Variants in COL15A1 observed in about 807,000 individuals in gnomAD.
The protein encoded by COL15A1 is collagen type XV alpha 1 chain.
In COL15A1, 111 loss-of-function variants were observed where a neutral mutation model predicts 165.9. That is an observed-to-expected ratio of 0.67 (90% confidence interval 0.57 to 0.78). The LOEUF is 0.78. Among genes scored for constraint, COL15A1 ranks in the 30% least tolerant of loss-of-function variants. COL15A1 has a pLI of 0.00. For missense variants in COL15A1, 1,745 were observed against 1,789.7 expected (o/e 0.98, Z 0.45); for synonymous variants, 659 against 674.8 (o/e 0.98, Z 0.36).
chr9:98,956,824 T>A (rs1588490001), intron 2 of COL15A1, among the ~76,000 whole-genome samples: 1 of 152,360 alleles, frequency 6.6e-6, no homozygotes, highest in East Asian at 1.9e-4. Context: ...CCAGAACTCA[T>A]AAATCAGAAT....
intron 9 of COL15A1, among the ~76,000 whole-genome samples, chr9:99,014,306 C>T (rs1838894665): frequency 6.6e-6 from 1 of 152,164 alleles, no homozygotes; most frequent in Non-Finnish European, 1.5e-5. Context: ...CTTGCCTTCC[C>T]TGTTAGAAAT....
chr9:98,965,238 G>T lies in COL15A1; in HGVS notation c.101-20327G>T, dbSNP rs1837937482. ...GAACCTTCCTCAGGAATCTGCCAAG[G>T]CACCCGGTTGCCTGTTGCATAAATT... On this transcript the variant is annotated intron_variant, in intron 2 of 41. Transcript: ENST00000375001. 3.3e-5 allele frequency among the ~76,000 whole-genome samples: 5 copies of T among 152,162 alleles called. No homozygotes were observed. In the South Asian group the frequency reaches 1.0e-3, roughly 31 times the overall value.
At position 99,055,283 on chromosome 9, in the gene COL15A1, T is replaced by C. The variant is rs1404444453; in HGVS notation, c.3103T>C (p.Phe1035Leu). The change falls in exon 34 of 42, where the codon TTC (phenylalanine) becomes CTC (leucine). Residue 1035 changes from phenylalanine (F) to leucine (L), a missense_variant. Transcript: ENST00000375001. ...NLKGENGDKG[F>L]KGEKGEKGDI... The stretch of plus-strand genomic sequence containing the variant: ...CCAGGGGGAGAATGGAGACAAGGGG[T>C]TCAAAGGTGAAAAAGGAGAAAAAGG... 4 of 1,613,018 alleles carry C rather than the reference T, an allele frequency of 2.5e-6. No individual in the cohort carries two copies. In the African/African-American group the frequency reaches 5.3e-5, roughly 22 times the overall value.
chr9:98,944,106 G>A, intron 1 of COL15A1, 34 bp downstream of exon 1: 1 of 1,614,116 alleles, frequency 6.2e-7, no homozygotes, highest in Admixed American at 1.7e-5. Context: ...TCGCGTCCCG[G>A]GCCCCTCCAA....
intron 2 of COL15A1, among the ~76,000 whole-genome samples, chr9:98,954,233 A>T (rs1459684571): frequency 6.6e-6 from 1 of 152,232 alleles, no homozygotes; most frequent in African/African-American, 2.4e-5. Flanking sequence ...ATAAAATTTT[A>T]AAAATTGGTA....
At chr9:99,068,163 C>T (rs1825925606) in intron 40 of COL15A1, among the ~76,000 whole-genome samples, 1 of 152,084 alleles carries the variant, frequency 6.6e-6, no homozygotes, top group Non-Finnish European at 1.5e-5. Flanking sequence ...GCATCTGGGC[C>T]TTGAAGAGCG....
At position 98,944,230 on chromosome 9, in the gene COL15A1, C is replaced by T; in HGVS notation, c.80C>T (p.Thr27Ile). The T allele has an allele frequency of 1.9e-6, 3 of 1,613,988 alleles. No individual in the cohort carries two copies. Among genetic ancestry groups the T allele is most frequent in the Non-Finnish European group, 2.5e-6 (3 of 1,179,972 alleles). ...GTCTCCACGCCCCTCCCTGCTGTCA[C>T]CCAGACCCGCGGTGCGACAGGTAAG... ...LSVSTPLPAV[T>I]QTRGATETAS... The change falls in exon 2 of 42, where the codon ACC becomes ATC. Residue 27 changes from threonine (T) to isoleucine (I), a missense_variant. Transcript: ENST00000375001.
At chr9:99,060,680 G>A (rs1365447796) in intron 36 of COL15A1, among the ~76,000 whole-genome samples, 3 of 152,132 alleles carry the variant, frequency 2.0e-5, no homozygotes, top group Non-Finnish European at 2.9e-5. Flanking sequence ...GAGTCTAGGA[G>A]TTCAAGACTA....
chr9:98,945,457 A>AT (rs1837563721), intron 2 of COL15A1, among the ~76,000 whole-genome samples: 1 of 152,142 alleles, frequency 6.6e-6, no homozygotes, highest in South Asian at 2.1e-4. Context: ...TCCCCTTTGA[A>AT]TTTGGGGGAT....
At chr9:98,991,888 A>G (rs1354932549) in intron 5 of COL15A1, among the ~76,000 whole-genome samples, 1 of 152,110 alleles carries the variant, frequency 6.6e-6, no homozygotes, top group African/African-American at 2.4e-5. Context: ...TTAGCTAGAC[A>G]TAAAAGTTCT....
intron 9 of COL15A1, among the ~76,000 whole-genome samples, chr9:99,012,703 C>CTTTTT (rs1156464062): frequency 5.0e-5 from 5 of 99,786 alleles, no homozygotes; most frequent in Non-Finnish European, 7.6e-5. Flanking sequence ...GTTTCCCACC[C>CTTTTT]TTTTTTTTTT....
At chr9:98,983,602 G>C (rs992413184) in intron 2 of COL15A1, among the ~76,000 whole-genome samples, 1 of 152,170 alleles carries the variant, frequency 6.6e-6, no homozygotes, top group Non-Finnish European at 1.5e-5. Flanking sequence ...GGAGCTCAAG[G>C]GCACAGAGGC....
intron 40 of COL15A1, among the ~76,000 whole-genome samples, chr9:99,067,587 T>C (rs947085302): frequency 2.0e-5 from 3 of 152,216 alleles, no homozygotes; most frequent in Non-Finnish European, 4.4e-5. Context: ...TTCAAGGCTA[T>C]GCAGAGAAAC....
At chr9:98,999,007 C>A (rs1160585165) in intron 6 of COL15A1, among the ~76,000 whole-genome samples, 1 of 152,188 alleles carries the variant, frequency 6.6e-6, no homozygotes, top group Non-Finnish European at 1.5e-5. Flanking sequence ...AGGGGTCAGT[C>A]CTTGGAGGAC....
chr9:99,061,844 ATTAACAAGCCTC>A, intron 36 of COL15A1, 115 bp from the exon 37 acceptor site: 3 of 995,898 alleles, frequency 3.0e-6, no homozygotes, highest in Non-Finnish European at 4.5e-6. Flanking sequence ...TATCTGGCAC[ATTAACAAGCCTC>A]TTTATTGAGT....
intron 5 of COL15A1, among the ~76,000 whole-genome samples, chr9:98,996,492 C>A (rs980054790): frequency 6.6e-6 from 1 of 152,242 alleles, no homozygotes; most frequent in Non-Finnish European, 1.5e-5. Flanking sequence ...TCGGAAGGAA[C>A]CACACCCGTC....
At chr9:99,023,251 A>G (rs1163407380) in intron 13 of COL15A1, 106 bp from the exon 14 acceptor site, 1 of 1,374,814 alleles carries the variant, frequency 7.3e-7, no homozygotes, top group East Asian at 2.5e-5. Context: ...TTATCGGGCT[A>G]TAGGATATAG....
rs1418662900 is a variant in COL15A1 at position 99,052,452 on chromosome 9, A to C, written c.2950+19A>C. 5 of 1,580,238 alleles carry C rather than the reference A, an allele frequency of 3.2e-6. No homozygotes were observed. The highest frequency in any genetic ancestry group is 3.5e-6 in the Non-Finnish European group (4 of 1,149,566). On this transcript the variant is annotated intron_variant, in intron 31 of 41. Transcript: ENST00000375001. ...TTTCACGGTATACACTCCCTTCTTC[A>C]TCATTTGTTTCTCTGGGACATCTCC...
At chr9:98,963,247 A>C (rs4407948) in intron 2 of COL15A1, among the ~76,000 whole-genome samples, 24,880 of 151,268 alleles carry the variant, frequency 0.16, 2,634 homozygotes, top group African/African-American at 0.31. Context: ...GCTAGGACCC[A>C]CTGGGCCTCA....
Sources: allele counts gnomAD v4.1 joint callset (sites outside exome capture counted in the v4.1 genomes callset), GRCh38; gene constraint gnomAD v4.1.1; transcripts MANE v1.5; gene names NCBI Gene and HGNC (gene_info 2026-07-23, HGNC 2026-07-21).